Variants in NTNG2 observed in about 807,000 individuals in gnomAD.
NTNG2 encodes the protein netrin G2, also known as netrin-G2.
Under a neutral mutation model 47.6 loss-of-function variants are expected in NTNG2, and 15 were observed. The ratio of observed to expected loss-of-function variants is 0.32; its 90% CI spans 0.21 to 0.49. NTNG2 has a LOEUF of 0.49. Ranked by LOEUF, NTNG2 falls within the 20% of genes least tolerant of loss-of-function variation. The pLI is 0.99. For missense variants in NTNG2, 578 were observed against 764.6 expected, an observed-to-expected ratio of 0.76 and a Z score of 2.88; for synonymous variants, 307 against 324.6, an observed-to-expected ratio of 0.95 and a Z score of 0.58.
At chr9:132,166,246 A>G (rs1835499849) in intron 1 of NTNG2, 103 bp from the exon 2 acceptor site, 2 of 160,070 alleles carry the variant, frequency 1.2e-5, no homozygotes, top group Admixed American at 1.2e-4. Context: ...ATATGAAAGA[A>G]ATCTCTTTTA....
intron 3 of NTNG2, among the ~76,000 whole-genome samples, chr9:132,207,146 G>A (rs546921375): frequency 6.6e-6 from 1 of 152,370 alleles, no homozygotes; most frequent in Admixed American, 6.5e-5. Flanking sequence ...TTTCCTCTGC[G>A]AGCTTTCTCG....
rs1389299230 is a variant in NTNG2, at chr9:132,163,512, C to A, written c.-484+1273C>A. ...CGGGGCAGAGGACGGGAAGGTGACC[C>A]CGCCGGCCAAGCTCCCTTTCCCTCC... On this transcript the variant is annotated intron_variant, in intron 1 of 7. Transcript: ENST00000393229. The surrounding 1 kb of genome is among the most constrained non-coding windows in gnomAD (Gnocchi z 7.2). 6.6e-6 allele frequency among the ~76,000 whole-genome samples: 1 copy of A among 152,152 alleles called. No individual in the cohort carries two copies. The highest frequency in any genetic ancestry group is 2.4e-5 in the African/African-American group (1 of 41,448).
chr9:132,170,708 G>C (rs1324264070), intron 2 of NTNG2, among the ~76,000 whole-genome samples: 2 of 152,122 alleles, frequency 1.3e-5, no homozygotes, highest in Non-Finnish European at 2.9e-5. Flanking sequence ...CTGACGAGCA[G>C]GTGAGAGAGA....
chr9:132,219,081 G>T (rs534909418), intron 3 of NTNG2, among the ~76,000 whole-genome samples: 113 of 152,212 alleles, frequency 7.4e-4, no homozygotes, highest in African/African-American at 2.6e-3. Context: ...GCCGGGTGTG[G>T]TGGCACACGC....
chr9:132,210,719 G>A (rs769307236), intron 3 of NTNG2, among the ~76,000 whole-genome samples: 1 of 152,200 alleles, frequency 6.6e-6, no homozygotes, highest in Non-Finnish European at 1.5e-5. Flanking sequence ...GTTGAGTGGG[G>A]AGAGGACAGG....
rs549369063 is a variant in NTNG2, at chr9:132,213,767, A to T, written c.858-13082A>T. Among the ~76,000 whole-genome samples the T allele has an allele frequency of 7.9e-5, 12 of 152,352 alleles. No individual in the cohort carries two copies. In the South Asian group the frequency reaches 2.5e-3, roughly 32 times the overall value. On this transcript the variant is annotated intron_variant, in intron 3 of 7. Coordinates refer to ENST00000393229, the MANE Select transcript of NTNG2 (RefSeq NM_032536.4). ...TATCTGGCAAGAGAAATTGGAAAAC[A>T]TTGCTGGCTGTGTTAAAATAGTAGT...
Position 132,197,021 on chromosome 9 carries a change from A to T in NTNG2, c.214-945A>T, listed in dbSNP as rs1400351911. 6.6e-6 allele frequency among the ~76,000 whole-genome samples: 1 copy of T among 152,180 alleles called. No individual in the cohort carries two copies. The highest frequency in any genetic ancestry group is 1.5e-5 in the Non-Finnish European group (1 of 68,026). On this transcript the variant is annotated intron_variant, in intron 2 of 7. Coordinates refer to ENST00000393229, the MANE Select transcript of NTNG2 (RefSeq NM_032536.4). The surrounding 1 kb of genome is among the most constrained non-coding windows in gnomAD (Gnocchi z 4.3). ...ATAGAAGAGACTCACAGAGTAAGGGATCGGGGAGAGACCCAGAGCTTCCAG... is the reference window on the plus strand; with the variant it reads ...ATAGAAGAGACTCACAGAGTAAGGGTTCGGGGAGAGACCCAGAGCTTCCAG...
Position 132,198,544 on chromosome 9 carries a change from C to T in NTNG2, c.792C>T (p.Thr264=). Residue 264 remains threonine (T), a synonymous_variant, in exon 3 of 8, where the codon ACC becomes ACT. Coordinates refer to ENST00000393229, the MANE Select transcript of NTNG2 (RefSeq NM_032536.4). ...TGCTGCGCCCGGCGCTGGGCGGCAC[C>T]TATGTGCAGCGGGAGAACCTCTACA... ...MRLLRPALGG[T]YVQRENLYKY... is the part of the protein sequence containing the mutation. 1.9e-6 allele frequency: 3 copies of T among 1,613,104 alleles called. No homozygotes were observed. The highest frequency in any genetic ancestry group is 2.7e-5 in the African/African-American group (2 of 75,076).
chr9:132,225,008 C>T (rs1260568058), intron 3 of NTNG2, among the ~76,000 whole-genome samples: 1 of 150,756 alleles, frequency 6.6e-6, no homozygotes, highest in Non-Finnish European at 1.5e-5. Flanking sequence ...CAACCTCTGC[C>T]TCCTGGGTTC....
At chr9:132,205,262 A>G (rs894412806) in intron 3 of NTNG2, among the ~76,000 whole-genome samples, 6 of 152,228 alleles carry the variant, frequency 3.9e-5, no homozygotes, top group Non-Finnish European at 8.8e-5. Flanking sequence ...CATATAATGG[A>G]ATATGATTCA....
intron 2 of NTNG2, among the ~76,000 whole-genome samples, chr9:132,191,860 C>T (rs905821944): frequency 2.6e-5 from 4 of 152,162 alleles, no homozygotes; most frequent in African/African-American, 4.8e-5. Context: ...CGTGAGCCAC[C>T]GCGCCCGGCC....
chr9:132,164,941 G>T (rs1156606620), intron 1 of NTNG2, among the ~76,000 whole-genome samples: 1 of 152,226 alleles, frequency 6.6e-6, no homozygotes, highest in Non-Finnish European at 1.5e-5. Context: ...TGGCAGGAGC[G>T]TTTTTCTGTC....
intron 3 of NTNG2, among the ~76,000 whole-genome samples, chr9:132,214,203 C>T (rs1262451948): frequency 6.6e-6 from 1 of 152,236 alleles, no homozygotes; most frequent in African/African-American, 2.4e-5. Flanking sequence ...ACATTCCACC[C>T]GCCCTCCTGT....
intron 4 of NTNG2, among the ~76,000 whole-genome samples, chr9:132,227,586 T>C (rs1840874116): frequency 6.6e-6 from 1 of 152,168 alleles, no homozygotes; most frequent in Admixed American, 6.5e-5. Flanking sequence ...CTCACCTCCA[T>C]CCTCAGAGCA....
chr9:132,214,269 C>T (rs1266635792), intron 3 of NTNG2, among the ~76,000 whole-genome samples: 1 of 152,244 alleles, frequency 6.6e-6, no homozygotes, highest in Admixed American at 6.5e-5. Flanking sequence ...GGAAGGGCCC[C>T]GCTCACGATT....
rs1840106882 is a variant in NTNG2, at chr9:132,218,063, G to A, written c.858-8786G>A. Among the ~76,000 whole-genome samples the A allele has an allele frequency of 6.6e-6, 1 of 152,236 alleles. No homozygotes were observed. Among genetic ancestry groups the A allele is most frequent in the Non-Finnish European group, 1.5e-5 (1 of 68,038 alleles). On this transcript the variant is annotated intron_variant, in intron 3 of 7. Transcript: ENST00000393229. This position sits in a 1 kb window ranked among gnomAD's most constrained non-coding sequence, Gnocchi z 5.4. ...AGATATTGTTTCCCGCTCTTCAGGTGAGAAAAGCGAGACTCAGGTTGGCTA... is the reference window on the plus strand; with the variant it reads ...AGATATTGTTTCCCGCTCTTCAGGTAAGAAAAGCGAGACTCAGGTTGGCTA...
At chr9:132,192,679 G>A (rs1240361903) in intron 2 of NTNG2, among the ~76,000 whole-genome samples, 8 of 152,178 alleles carry the variant, frequency 5.3e-5, no homozygotes, top group Non-Finnish European at 1.0e-4. Context: ...TCAGGTCAGC[G>A]CCAACAGTGC....
At chr9:132,228,868 T>C (rs1205372906) in intron 4 of NTNG2, among the ~76,000 whole-genome samples, 2 of 152,138 alleles carry the variant, frequency 1.3e-5, no homozygotes, top group Non-Finnish European at 2.9e-5. Flanking sequence ...ATGTCTGGCT[T>C]TTTTCTTCCA....
In NTNG2 at chr9:132,180,061, C is replaced by G. The variant is rs2131352644; in HGVS notation, c.213+13017C>G. Among the ~76,000 whole-genome samples, 1 of 152,324 alleles carries G rather than the reference C, an allele frequency of 6.6e-6. No homozygotes were observed. Among genetic ancestry groups the G allele is most frequent in the East Asian group, 1.9e-4 (1 of 5,184 alleles). On this transcript the variant is annotated intron_variant, in intron 2 of 7. Coordinates refer to ENST00000393229, the MANE Select transcript of NTNG2 (RefSeq NM_032536.4). This position sits in a 1 kb window ranked among gnomAD's most constrained non-coding sequence, Gnocchi z 4.2. ...GGCCTGTCTTCAAGGACCTGGCATC[C>G]TTCTGTCCCAGGGCAGTTTGTCTTG...
Sources: allele counts gnomAD v4.1 joint callset (sites outside exome capture counted in the v4.1 genomes callset), GRCh38; gene constraint gnomAD v4.1.1; non-coding constraint Gnocchi (gnomAD v3.1); transcripts MANE v1.5; gene names NCBI Gene and HGNC (gene_info 2026-07-23, HGNC 2026-07-21).